Variants in MICU3 observed in about 807,000 individuals in gnomAD.
MICU3 encodes the protein calcium uptake protein 3, mitochondrial.
In MICU3, 62 loss-of-function variants were observed where a neutral mutation model predicts 66.5. The observed-to-expected ratio is 0.93, with a 90% confidence interval of 0.76 to 1.15. The LOEUF (loss-of-function observed/expected upper bound fraction) is 1.15. MICU3 is among the 50% of genes most tolerant of loss of function. MICU3 has a pLI of 0.00. For missense variants in MICU3, 779 were observed against 664.4 expected, an observed-to-expected ratio of 1.17 and a Z score of -1.90; for synonymous variants, 308 against 240.7, an observed-to-expected ratio of 1.28 and a Z score of -2.59.
At chr8:17,135,577 A>C in the MICU3 span, among the ~76,000 whole-genome samples, 2 of 151,980 alleles carry the variant, frequency 1.3e-5, no homozygotes, top group Non-Finnish European at 2.9e-5. Flanking sequence ...ACTAAGGCAA[A>C]TGTGTCTTTG....
chr8:17,073,353 A>G (rs189316076), intron 3 of MICU3, among the ~76,000 whole-genome samples: 1 of 152,138 alleles, frequency 6.6e-6, no homozygotes, highest in East Asian at 1.9e-4. Flanking sequence ...AGATTCTCAT[A>G]GGAGCCCAAA....
At chr8:17,097,588 TGAAA>T (rs1365337609) in intron 8 of MICU3, among the ~76,000 whole-genome samples, 1 of 151,680 alleles carries the variant, frequency 6.6e-6, no homozygotes, top group Non-Finnish European at 1.5e-5. Flanking sequence ...TAAGGCAAAA[TGAAA>T]GAAAGAAAAG....
intron 1 of MICU3, among the ~76,000 whole-genome samples, chr8:17,028,499 A>G (rs78622237): frequency 0.042 from 6,407 of 152,294 alleles, 485 homozygotes; most frequent in African/African-American, 0.15. Context: ...GACTAGGAAA[A>G]TTAAGGAGAT....
chr8:17,035,605 G>C (rs1812835992), intron 1 of MICU3, among the ~76,000 whole-genome samples: 1 of 152,220 alleles, frequency 6.6e-6, no homozygotes, highest in African/African-American at 2.4e-5. Context: ...TTTTGAACTT[G>C]AGAGAGATAA....
At chr8:17,130,408 A>T in the MICU3 span, among the ~76,000 whole-genome samples, 1 of 152,092 alleles carries the variant, frequency 6.6e-6, no homozygotes, top group African/African-American at 2.4e-5. Flanking sequence ...CTGTAATCCC[A>T]GCTACTCAGG....
chr8:17,085,027 A>G (rs574293222), intron 5 of MICU3, among the ~76,000 whole-genome samples: 7 of 152,134 alleles, frequency 4.6e-5, no homozygotes, highest in African/African-American at 1.2e-4. Context: ...TCTCAGTGCT[A>G]TGCAACAAGT....
At chr8:17,043,887 A>G (rs1336442761) in intron 1 of MICU3, among the ~76,000 whole-genome samples, 2 of 152,212 alleles carry the variant, frequency 1.3e-5, no homozygotes, top group Non-Finnish European at 2.9e-5. Flanking sequence ...CAATATTGTA[A>G]ATTTTGTGAG....
rs557690233 is a variant in MICU3, at chr8:17,027,601, G to C, written c.322G>C (p.Glu108Gln). The C allele has an allele frequency of 8.4e-6, 11 of 1,303,148 alleles. No individual in the cohort carries two copies. The Admixed American group carries it at 2.8e-4, about 33-fold the overall frequency. 80.7% of individuals were successfully genotyped at this position (1,303,148 alleles called of 1,614,324 possible). A position where few individuals can be genotyped will look rare whatever the true frequency, so the allele number is the denominator to read the frequency against. The change falls in exon 1 of 15, where the codon GAG becomes CAG. Residue 108 changes from glutamate to glutamine, a missense_variant. Physicochemically the swap from Glu to Gln is conservative, Grantham distance 29. Transcript: ENST00000318063. ...RPSKSAATEP[E>Q]DPPRGRGMLP... ...CTCAAAGAGCGCGGCCACGGAGCCCGAGGACCCGCCCCGCGGCCGGGGGAT... is the reference window on the plus strand; with the variant it reads ...CTCAAAGAGCGCGGCCACGGAGCCCCAGGACCCGCCCCGCGGCCGGGGGAT...
chr8:17,035,880 C>T (rs1318731274), intron 1 of MICU3, among the ~76,000 whole-genome samples: 2 of 152,116 alleles, frequency 1.3e-5, no homozygotes, highest in Non-Finnish European at 2.9e-5. Flanking sequence ...GTCACCAAGA[C>T]AGTGGGAAGA....
chr8:17,125,496 G>T (rs1803382512), downstream of MICU3, among the ~76,000 whole-genome samples: 1 of 152,124 alleles, frequency 6.6e-6, no homozygotes, highest in Middle Eastern at 3.2e-3. Flanking sequence ...CTGTGTGGCT[G>T]AGATGAGCTT....
At position 17,120,409 on chromosome 8, in the gene MICU3, C is replaced by G. The variant is rs920008586; in HGVS notation, c.*122C>G. ...TAGAGAATGAAGGAAAAGGTGAATG[C>G]TATGAAATTGATATTTTTTCTGGAA... On this transcript the variant is annotated 3_prime_UTR_variant, in exon 15 of 15. Coordinates refer to ENST00000318063, the MANE Select transcript of MICU3 (RefSeq NM_181723.3). 1 of 151,864 alleles carries G rather than the reference C, an allele frequency of 6.6e-6. No homozygotes were observed. The highest frequency in any genetic ancestry group is 6.6e-5 in the Admixed American group (1 of 15,234). 9.4% of individuals were successfully genotyped at this position (151,864 alleles called of 1,614,324 possible). A position where few individuals can be genotyped will look rare whatever the true frequency, so the allele number is the denominator to read the frequency against.
At chr8:17,035,852 G>A (rs1244454855) in intron 1 of MICU3, among the ~76,000 whole-genome samples, 2 of 152,174 alleles carry the variant, frequency 1.3e-5, no homozygotes, top group Non-Finnish European at 2.9e-5. Flanking sequence ...ATTTGCAAAA[G>A]TAAGGAGCCA....
At chr8:17,041,538 C>G (rs1053785087) in intron 1 of MICU3, among the ~76,000 whole-genome samples, 1 of 150,118 alleles carries the variant, frequency 6.7e-6, no homozygotes, top group African/African-American at 2.5e-5. Context: ...ACAGCCATAT[C>G]AAGAATTTGT....
downstream of MICU3, among the ~76,000 whole-genome samples, chr8:17,126,300 G>T (rs576382107): frequency 6.1e-4 from 93 of 152,010 alleles, no homozygotes; most frequent in Non-Finnish European, 1.1e-3. Context: ...GTTCTCTATG[G>T]TCTATGAGTT....
rs1802010341 is a variant in MICU3 at position 17,109,412 on chromosome 8, C to T, written c.1257+3828C>T. Among the ~76,000 whole-genome samples, 2 of 152,130 alleles carry T rather than the reference C, an allele frequency of 1.3e-5. 1 individual carries two copies. Among genetic ancestry groups the T allele is most frequent in the East Asian group, 3.9e-4 (2 of 5,180 alleles). On this transcript the variant is annotated intron_variant, in intron 11 of 14. Coordinates refer to ENST00000318063, the MANE Select transcript of MICU3 (RefSeq NM_181723.3). ...TAATGTTGTTTGTAATAGCAACAGG[C>T]TGGAAATGGCCTAAATGTCTTTCAG...
At chr8:17,067,186 C>A (rs562900641) in intron 2 of MICU3, among the ~76,000 whole-genome samples, 1 of 152,126 alleles carries the variant, frequency 6.6e-6, no homozygotes, top group South Asian at 2.1e-4. Context: ...GTTTCATGTA[C>A]TGAGTATTAA....
the MICU3 span, among the ~76,000 whole-genome samples, chr8:17,129,119 T>G: frequency 6.6e-6 from 1 of 152,156 alleles, no homozygotes; most frequent in East Asian, 1.9e-4. Context: ...TGACCTATCC[T>G]AAAATTAAAC....
At chr8:17,095,036 T>C (rs1477927879) in intron 8 of MICU3, among the ~76,000 whole-genome samples, 2 of 152,070 alleles carry the variant, frequency 1.3e-5, no homozygotes, top group African/African-American at 4.8e-5. Context: ...AGAGTTTTAT[T>C]TGACTATTAT....
At chr8:17,074,139 G>A (rs1004427592) in intron 3 of MICU3, among the ~76,000 whole-genome samples, 5 of 151,726 alleles carry the variant, frequency 3.3e-5, no homozygotes, top group African/African-American at 1.2e-4. Flanking sequence ...GCCCGCCTCG[G>A]CCTCCCAAAG....
Sources: allele counts gnomAD v4.1 joint callset (sites outside exome capture counted in the v4.1 genomes callset), GRCh38; gene constraint gnomAD v4.1.1; transcripts MANE v1.5; gene names NCBI Gene and HGNC (gene_info 2026-07-23, HGNC 2026-07-21).